The following AFG2A variants were observed in gnomAD, a reference collection of about 807,000 sequenced individuals.
AFG2A encodes ATPase family gene 2 protein homolog A.
the AFG2A span, among the ~76,000 whole-genome samples, chr4:123,241,679 T>G: frequency 6.6e-6 from 1 of 152,318 alleles, no homozygotes; most frequent in East Asian, 1.9e-4. Context: ...AATATCATAC[T>G]GAATGGGCAA....
the AFG2A span, among the ~76,000 whole-genome samples, chr4:123,143,823 TTCTC>T: frequency 6.9e-5 from 8 of 116,784 alleles, no homozygotes; most frequent in African/African-American, 2.2e-4. Context: ...ATGCATAAAC[TTCTC>T]TCTCTTTTTT....
At chr4:122,995,238 GA>G in the AFG2A span, among the ~76,000 whole-genome samples, 6 of 151,784 alleles carry the variant, frequency 4.0e-5, no homozygotes, top group Non-Finnish European at 8.8e-5. Context: ...GCTTTTTTTG[GA>G]ATAAATAGTA....
chr4:123,105,513 C>G, the AFG2A span, among the ~76,000 whole-genome samples: 2 of 152,078 alleles, frequency 1.3e-5, no homozygotes, highest in Non-Finnish European at 2.9e-5. Flanking sequence ...AAGGCTATTG[C>G]TGCTGTAATA....
the AFG2A span, among the ~76,000 whole-genome samples, chr4:123,183,848 C>G: frequency 6.6e-6 from 1 of 152,184 alleles, no homozygotes. Flanking sequence ...CAGCCTCCAC[C>G]TCCCAGACTC....
chr4:123,017,549 AAAG>A, the AFG2A span, among the ~76,000 whole-genome samples: 1 of 150,874 alleles, frequency 6.6e-6, no homozygotes, highest in African/African-American at 2.4e-5. Context: ...TATCTGTATT[AAAG>A]AAGCATTTGG....
At chr4:122,950,303 T>C in the AFG2A span, among the ~76,000 whole-genome samples, 229 of 152,214 alleles carry the variant, frequency 1.5e-3, 1 homozygote, top group African/African-American at 5.3e-3. Flanking sequence ...ATTCTTGTAC[T>C]TTATATCTGG....
At chr4:123,161,782 A>G in the AFG2A span, among the ~76,000 whole-genome samples, 1 of 152,214 alleles carries the variant, frequency 6.6e-6, no homozygotes, top group African/African-American at 2.4e-5. Flanking sequence ...AGGGTTCTTC[A>G]GGAAAGAAAT....
At chr4:123,081,498 A>G in the AFG2A span, among the ~76,000 whole-genome samples, 8 of 152,146 alleles carry the variant, frequency 5.3e-5, no homozygotes, top group African/African-American at 1.7e-4. Flanking sequence ...ATAATATTCC[A>G]TTGTCTGGAC....
chr4:123,127,467 A>C, the AFG2A span, among the ~76,000 whole-genome samples: 1 of 152,146 alleles, frequency 6.6e-6, no homozygotes, highest in Non-Finnish European at 1.5e-5. Context: ...ACTTTATATA[A>C]TCAGTTTGTA....
chr4:123,186,732 AAG>A, the AFG2A span, among the ~76,000 whole-genome samples: 2 of 152,182 alleles, frequency 1.3e-5, no homozygotes, highest in Non-Finnish European at 2.9e-5. Flanking sequence ...TTTGTGATAA[AAG>A]AACTGAATAT....
the AFG2A span, among the ~76,000 whole-genome samples, chr4:122,945,835 A>G: frequency 6.6e-6 from 1 of 152,240 alleles, no homozygotes; most frequent in Non-Finnish European, 1.5e-5. Flanking sequence ...CAGAAAGTAA[A>G]TATGTGAAAA....
the AFG2A span, among the ~76,000 whole-genome samples, chr4:122,924,136 T>C: frequency 6.6e-6 from 1 of 152,236 alleles, no homozygotes; most frequent in Admixed American, 6.5e-5. Context: ...TCACTCTGCC[T>C]TAGGTATCAG....
At chr4:123,098,794 C>T in the AFG2A span, among the ~76,000 whole-genome samples, 1 of 151,938 alleles carries the variant, frequency 6.6e-6, no homozygotes, top group African/African-American at 2.4e-5. Context: ...GATTCCATGA[C>T]TTGGATATTG....
chr4:123,201,216 A>G, the AFG2A span, among the ~76,000 whole-genome samples: 1 of 152,236 alleles, frequency 6.6e-6, no homozygotes, highest in Non-Finnish European at 1.5e-5. Flanking sequence ...TAGACTTACA[A>G]ATTTCCAGGA....
the AFG2A span, among the ~76,000 whole-genome samples, chr4:123,079,511 T>G: frequency 6.6e-6 from 1 of 152,080 alleles, no homozygotes; most frequent in Non-Finnish European, 1.5e-5. Context: ...AGGCCATTCC[T>G]TTGGAACTGT....
At chr4:123,318,975 A>G in the AFG2A span, 4 of 152,304 alleles carry the variant, frequency 2.6e-5, no homozygotes, top group Admixed American at 2.0e-4. Context: ...GGATATTCAC[A>G]TTGACATGTC....
At chr4:123,257,879 A>C in the AFG2A span, among the ~76,000 whole-genome samples, 2 of 152,240 alleles carry the variant, frequency 1.3e-5, no homozygotes, top group Admixed American at 1.3e-4. Context: ...CAAAACAAAA[A>C]TAAAACCCAG....
At chr4:123,002,362 T>G in the AFG2A span, among the ~76,000 whole-genome samples, 3 of 152,180 alleles carry the variant, frequency 2.0e-5, no homozygotes, top group South Asian at 2.1e-4. Context: ...GTTAGCTGGT[T>G]ATTTTGCTCA....
chr4:123,089,805 C>T, the AFG2A span, among the ~76,000 whole-genome samples: 1 of 152,110 alleles, frequency 6.6e-6, no homozygotes, highest in Non-Finnish European at 1.5e-5. Context: ...CCAGGCTGGT[C>T]TTGAACTCCT....
Sources: gnomAD v4.1 joint callset for allele counts (sites outside exome capture counted in the v4.1 genomes callset) on GRCh38, gnomAD v4.1.1 for gene constraint, MANE v1.5 for transcripts, NCBI Gene and HGNC (gene_info 2026-07-23, HGNC 2026-07-21) for gene names.